Variants in SPOCK1 observed in about 807,000 individuals in gnomAD.
SPOCK1 encodes the protein testican-1.
Under a neutral mutation model 55.3 loss-of-function variants are expected in SPOCK1, and 23 were observed. The ratio of observed to expected loss-of-function variants is 0.42; its 90% confidence interval spans 0.30 to 0.59. The LOEUF (loss-of-function observed/expected upper bound fraction) is 0.59. Among genes scored for constraint, SPOCK1 ranks in the 20% least tolerant of loss-of-function variants. The probability of loss-of-function intolerance (pLI) is 0.22; values close to 1 mark genes in which losing one functional copy is unlikely to be tolerated. For synonymous variants in SPOCK1, 226 were observed against 221.0 expected (o/e 1.02, Z -0.20); for missense variants, 499 against 552.5 (o/e 0.90, Z 0.97).
At chr5:137,195,785 T>C (rs1180246718) in intron 3 of SPOCK1, among the ~76,000 whole-genome samples, 1 of 152,202 alleles carries the variant, frequency 6.6e-6, no homozygotes, top group African/African-American at 2.4e-5. Flanking sequence ...ACATGACTGG[T>C]TGGCAGCACC....
chr5:137,288,487 G>A (rs530960681), intron 2 of SPOCK1, among the ~76,000 whole-genome samples: 3 of 152,276 alleles, frequency 2.0e-5, no homozygotes, highest in South Asian at 4.2e-4. Flanking sequence ...TCTCTACTTT[G>A]AATCCCTCTT....
intron 5 of SPOCK1, among the ~76,000 whole-genome samples, chr5:137,089,990 G>T (rs545210528): frequency 1.2e-3 from 181 of 152,290 alleles, no homozygotes; most frequent in Non-Finnish European, 1.9e-3. Flanking sequence ...AAATAACCAT[G>T]CCAGGTGTAA....
rs148891376 is a variant in SPOCK1 at position 137,006,766 on chromosome 5, G to T, written c.590-14166C>A. On this transcript the variant is annotated intron_variant, in intron 6 of 10. Coordinates refer to ENST00000394945, the MANE Select transcript of SPOCK1 (RefSeq NM_004598.4). Reference sequence around the variant, plus strand: ...AGTAGTGGTGAGATAGGGCATCCTTGTCTTGTGCCAGTTTTCAAAGGGAAT... The same window carrying T: ...AGTAGTGGTGAGATAGGGCATCCTTTTCTTGTGCCAGTTTTCAAAGGGAAT... 6.5e-3 allele frequency among the ~76,000 whole-genome samples: 994 copies of T among 152,286 alleles called. 5 individuals carry two copies. The highest frequency in any genetic ancestry group is 0.012 in the Non-Finnish European group (808 of 68,038).
At chr5:137,095,906 A>G (rs1037996700) in intron 5 of SPOCK1, among the ~76,000 whole-genome samples, 101 of 149,788 alleles carry the variant, frequency 6.7e-4, no homozygotes, top group African/African-American at 2.4e-3. Context: ...GTGAAAACCA[A>G]GTAACCTCAG....
At chr5:137,367,833 C>A (rs191884285) in intron 2 of SPOCK1, among the ~76,000 whole-genome samples, 3 of 152,210 alleles carry the variant, frequency 2.0e-5, no homozygotes, top group Non-Finnish European at 4.4e-5. Flanking sequence ...ATAAAATGGG[C>A]ATCCCTGCCC....
intron 2 of SPOCK1, among the ~76,000 whole-genome samples, chr5:137,364,405 C>T (rs187920644): frequency 6.6e-6 from 1 of 152,126 alleles, no homozygotes; most frequent in Admixed American, 6.5e-5. Flanking sequence ...GCTAAGTGAC[C>T]TGATAGAAGA....
rs77780682 is a variant in SPOCK1 at position 137,359,995 on chromosome 5, C to T, written c.187-92940G>A. Among the ~76,000 whole-genome samples the T allele has an allele frequency of 2.7e-3, 418 of 152,290 alleles. 2 individuals carry two copies. The highest frequency in any genetic ancestry group is 9.2e-3 in the African/African-American group (384 of 41,574). Reference sequence around the variant, plus strand: ...CCTGACCAATTCCATCTCCTGATCACCCAAGTAATTAAGAGGGCCAACTTC... The same window carrying T: ...CCTGACCAATTCCATCTCCTGATCATCCAAGTAATTAAGAGGGCCAACTTC... On this transcript the variant is annotated intron_variant, in intron 2 of 10. Transcript: ENST00000394945.
chr5:137,192,479 C>T (rs909548740), intron 3 of SPOCK1, among the ~76,000 whole-genome samples: 4 of 152,138 alleles, frequency 2.6e-5, no homozygotes, highest in Admixed American at 6.5e-5. Context: ...ATGGAGTTAG[C>T]TTACATTAGA....
chr5:137,125,869 A>T (rs1356045937), intron 4 of SPOCK1, among the ~76,000 whole-genome samples: 1 of 152,344 alleles, frequency 6.6e-6, no homozygotes, highest in East Asian at 1.9e-4. Flanking sequence ...CTAGATTGTC[A>T]TGAAAGGATC....
intron 6 of SPOCK1, among the ~76,000 whole-genome samples, chr5:137,016,319 G>A (rs908769842): frequency 6.6e-6 from 1 of 152,164 alleles, no homozygotes; most frequent in Non-Finnish European, 1.5e-5. Context: ...TGAAGGTCAT[G>A]CAATACCGCA....
chr5:137,473,474 T>TG (rs1211753941), intron 2 of SPOCK1, among the ~76,000 whole-genome samples: 10 of 152,160 alleles, frequency 6.6e-5, no homozygotes, highest in Admixed American at 2.0e-4. Flanking sequence ...CTACTAGAAA[T>TG]GGTTCCCACA....
chr5:137,446,253 T>C (rs1182122081), intron 2 of SPOCK1, among the ~76,000 whole-genome samples: 1 of 152,224 alleles, frequency 6.6e-6, no homozygotes, highest in Non-Finnish European at 1.5e-5. Context: ...ACTTTTTTCC[T>C]GCTGTACCTT....
intron 3 of SPOCK1, among the ~76,000 whole-genome samples, chr5:137,154,315 G>A (rs1754373185): frequency 6.6e-6 from 1 of 152,088 alleles, no homozygotes; most frequent in Non-Finnish European, 1.5e-5. Flanking sequence ...TAATAGAGAA[G>A]CTCCTAGGTG....
rs917314916 is a variant in SPOCK1 at position 137,183,630 on chromosome 5, C to T, written c.233-42936G>A. Among the ~76,000 whole-genome samples, 108 of 152,184 alleles carry T rather than the reference C, an allele frequency of 7.1e-4. 3 individuals are homozygous for T. The highest frequency in any genetic ancestry group is 2.0e-4 in the Admixed American group (3 of 15,280). On this transcript the variant is annotated intron_variant, in intron 3 of 10. Coordinates refer to ENST00000394945, the MANE Select transcript of SPOCK1 (RefSeq NM_004598.4). The stretch of plus-strand genomic sequence containing the variant: ...TTTGGCACTGGTCTAGGGGTGGGAC[C>T]TGGTAGCCACTGCTGTGGGTCATCA...
intron 2 of SPOCK1, among the ~76,000 whole-genome samples, chr5:137,417,386 T>C (rs1347077692): frequency 6.6e-6 from 1 of 151,040 alleles, no homozygotes; most frequent in African/African-American, 2.4e-5. Context: ...TGAGGAAAAA[T>C]TACTGTCAAA....
chr5:137,403,572 G>A (rs1485339667), intron 2 of SPOCK1, among the ~76,000 whole-genome samples: 1 of 152,080 alleles, frequency 6.6e-6, no homozygotes, highest in African/African-American at 2.4e-5. Context: ...CAGGCTGAAG[G>A]GCTGAAAAAT....
chr5:137,174,858 G>A (rs17777250), intron 3 of SPOCK1, among the ~76,000 whole-genome samples: 1 of 152,042 alleles, frequency 6.6e-6, no homozygotes, highest in Non-Finnish European at 1.5e-5. Context: ...AGAACCCATG[G>A]GAAAGAGCGA....
intron 3 of SPOCK1, among the ~76,000 whole-genome samples, chr5:137,164,158 A>C (rs1235378690): frequency 1.3e-5 from 2 of 152,166 alleles, no homozygotes; most frequent in Non-Finnish European, 2.9e-5. Flanking sequence ...AAGAATATTC[A>C]AAATAACCCA....
At chr5:137,138,653 G>A (rs962511715) in intron 4 of SPOCK1, among the ~76,000 whole-genome samples, 7 of 151,330 alleles carry the variant, frequency 4.6e-5, no homozygotes, top group African/African-American at 1.7e-4. Context: ...GAGATTCTAG[G>A]CTAGTTTTCT....
Sources: gnomAD v4.1 joint callset for allele counts (sites outside exome capture counted in the v4.1 genomes callset) on GRCh38, gnomAD v4.1.1 for gene constraint, MANE v1.5 for transcripts, NCBI Gene and HGNC (gene_info 2026-07-23, HGNC 2026-07-21) for gene names.